OR51B5: variants seen among roughly 807,000 people sequenced by gnomAD.
The protein encoded by OR51B5 is olfactory receptor family 51 subfamily B member 5.
For synonymous variants in OR51B5, 186 were observed against 144.8 expected (o/e 1.28, Z -2.04); for missense variants, 456 against 374.6 (o/e 1.22, Z -1.79).
At chr11:5,505,566 T>TA in intron 1 of OR51B5, 1 of 1,025,056 alleles carries the variant, frequency 9.8e-7, no homozygotes, top group Non-Finnish European at 1.3e-6. Context: ...TTACCGGACT[T>TA]ACAGTTCCAC....
chr11:5,380,332 G>A (rs1427734628), intron 1 of OR51B5, among the ~76,000 whole-genome samples: 1 of 152,144 alleles, frequency 6.6e-6, no homozygotes, highest in Non-Finnish European at 1.5e-5. Context: ...AAATTTCTTA[G>A]GGGCTGTGGA....
intron 1 of OR51B5, among the ~76,000 whole-genome samples, chr11:5,411,583 T>G (rs1850150112): frequency 6.6e-6 from 1 of 152,190 alleles, no homozygotes; most frequent in East Asian, 1.9e-4. Flanking sequence ...GACCAAATAA[T>G]GTCTCCACCC....
At chr11:5,485,081 AAAG>A in intron 1 of OR51B5, among the ~76,000 whole-genome samples, 1 of 152,274 alleles carries the variant, frequency 6.6e-6, no homozygotes, top group South Asian at 2.1e-4. Flanking sequence ...TATGATTTCA[AAAG>A]AATAAGTCAG....
intron 1 of OR51B5, among the ~76,000 whole-genome samples, chr11:5,408,498 A>T (rs1850095895): frequency 1.3e-5 from 2 of 151,952 alleles, no homozygotes; most frequent in Admixed American, 1.3e-4. Context: ...TTATGTTCTC[A>T]ATCTATTTAT....
At position 5,413,795 on chromosome 11, in the gene OR51B5, A is replaced by G. The variant is rs554880029; in HGVS notation, n.85-66885T>C. On this transcript the variant is annotated intron_variant and non_coding_transcript_variant, in intron 1 of 4. Transcript: ENST00000415970. The stretch of plus-strand genomic sequence containing the variant: ...ATATGGGACTATGTGAAAAGACCAA[A>G]TCTACATCTGATTGGTGTACCTGAA... Among the ~76,000 whole-genome samples the G allele has an allele frequency of 4.7e-4, 72 of 151,990 alleles. 3 individuals carry two copies. In the South Asian group the frequency reaches 0.014, roughly 29 times the overall value.
chr11:5,383,061 G>A (rs1221924224), intron 1 of OR51B5, among the ~76,000 whole-genome samples: 1 of 152,130 alleles, frequency 6.6e-6, no homozygotes, highest in Non-Finnish European at 1.5e-5. Context: ...CTCAGGTTCT[G>A]TAGCATAGTC....
chr11:5,493,805 A>G (rs1027184922), intron 1 of OR51B5, among the ~76,000 whole-genome samples: 9 of 152,200 alleles, frequency 5.9e-5, no homozygotes, highest in Admixed American at 5.2e-4. Flanking sequence ...ATTTTCAATG[A>G]CTAAAAAATT....
chr11:5,498,440 C>T (rs1851680769), intron 1 of OR51B5, among the ~76,000 whole-genome samples: 1 of 152,076 alleles, frequency 6.6e-6, no homozygotes, highest in Non-Finnish European at 1.5e-5. Context: ...ACACTGGATG[C>T]CCTGGCCAAC....
intron 1 of OR51B5, chr11:5,422,427 C>G: frequency 6.2e-7 from 1 of 1,614,148 alleles, no homozygotes; most frequent in Non-Finnish European, 8.5e-7. Flanking sequence ...CTGGGTCTCA[C>G]CCTCACCACC....
chr11:5,363,551 C>A (rs2467232), intron 1 of OR51B5, among the ~76,000 whole-genome samples: 57,003 of 151,692 alleles, frequency 0.38, 10,956 homozygotes, highest in Non-Finnish European at 0.41. Flanking sequence ...TTTTATTAAA[C>A]CAAGCACAGA....
At chr11:5,495,367 TA>T (rs1392331487) in intron 1 of OR51B5, among the ~76,000 whole-genome samples, 2 of 152,160 alleles carry the variant, frequency 1.3e-5, no homozygotes, top group African/African-American at 2.4e-5. Flanking sequence ...GTATAAAAGT[TA>T]AAAAAACAAA....
chr11:5,388,288 A>C (rs1245949604), intron 1 of OR51B5, among the ~76,000 whole-genome samples: 1 of 152,046 alleles, frequency 6.6e-6, no homozygotes, highest in Non-Finnish European at 1.5e-5. Flanking sequence ...AATTCACATT[A>C]TAGAAGCAAT....
At chr11:5,340,611 T>C (rs1848879126), downstream of OR51B5, 1 of 151,976 alleles carries the variant, frequency 6.6e-6, no homozygotes, top group Non-Finnish European at 1.5e-5. Context: ...GAGGAGAAAT[T>C]TTCAGAAAAA....
At chr11:5,374,403 G>A (rs1849491866) in intron 1 of OR51B5, among the ~76,000 whole-genome samples, 2 of 152,092 alleles carry the variant, frequency 1.3e-5, no homozygotes, top group Admixed American at 6.6e-5. Flanking sequence ...AGAAAAACTG[G>A]AAACTCTAAA....
At chr11:5,370,085 G>C (rs1274423946) in intron 1 of OR51B5, among the ~76,000 whole-genome samples, 1 of 152,230 alleles carries the variant, frequency 6.6e-6, no homozygotes, top group East Asian at 1.9e-4. Flanking sequence ...GGTTTGTACA[G>C]CATGTGCAAG....
At chr11:5,436,504 G>C (rs10768952) in intron 1 of OR51B5, among the ~76,000 whole-genome samples, 1 of 151,974 alleles carries the variant, frequency 6.6e-6, no homozygotes, top group African/African-American at 2.4e-5. Flanking sequence ...GTGTGGGACA[G>C]AACAGAGGCA....
At chr11:5,428,807 A>G (rs1850488311) in intron 1 of OR51B5, among the ~76,000 whole-genome samples, 1 of 152,184 alleles carries the variant, frequency 6.6e-6, no homozygotes, top group South Asian at 2.1e-4. Context: ...CCCCAAACTA[A>G]TCACCTCCTT....
chr11:5,408,069 G>A (rs539756712), intron 1 of OR51B5, among the ~76,000 whole-genome samples: 5 of 150,138 alleles, frequency 3.3e-5, no homozygotes, highest in South Asian at 4.3e-4. Context: ...TTCACTGACC[G>A]TCCCTGAAGC....
chr11:5,468,384 C>T (rs11606399), intron 1 of OR51B5: 76,369 of 270,904 alleles, frequency 0.28, 12,960 homozygotes, highest in Non-Finnish European at 0.36. Context: ...TATAGGTGTA[C>T]GTCTGGAGGG....
Sources: allele counts gnomAD v4.1 joint callset (sites outside exome capture counted in the v4.1 genomes callset), GRCh38; gene constraint gnomAD v4.1.1; transcripts MANE v1.5; gene names NCBI Gene and HGNC (gene_info 2026-07-23, HGNC 2026-07-21).